PRKG1: variants seen among roughly 807,000 people sequenced by gnomAD.
PRKG1 encodes the protein protein kinase cGMP-dependent 1.
A neutral mutation model predicts 88.1 loss-of-function variants in PRKG1; 35 were observed. The observed-to-expected ratio is 0.40, with a 90% CI of 0.30 to 0.53. PRKG1 has a LOEUF of 0.53. PRKG1 is among the 20% of genes least tolerant of loss of function. PRKG1 has a pLI of 0.59. For synonymous variants in PRKG1, 303 were observed against 292.5 expected (o/e 1.04, Z -0.37); for missense variants, 540 against 839.8 (o/e 0.64, Z 4.41).
chr10:51,243,648 T>C (rs555485766), intron 2 of PRKG1, among the ~76,000 whole-genome samples: 116 of 152,332 alleles, frequency 7.6e-4, no homozygotes, highest in Non-Finnish European at 1.4e-3. Context: ...ATGTAATCCA[T>C]CATGGCATGG....
At chr10:51,909,586 G>A (rs11000063) in intron 5 of PRKG1, 32,922 of 151,850 alleles carry the variant, frequency 0.22, 3,992 homozygotes, top group East Asian at 0.49. Context: ...ATCAGAAAAG[G>A]GAAGGGAGAT....
intron 9 of PRKG1, among the ~76,000 whole-genome samples, chr10:52,172,432 A>G (rs908568382): frequency 1.3e-5 from 2 of 152,184 alleles, no homozygotes; most frequent in African/African-American, 4.8e-5. Context: ...AATTCTGTGG[A>G]TACTTTGGTC....
intron 2 of PRKG1, among the ~76,000 whole-genome samples, chr10:51,304,730 G>A (rs1244711129): frequency 6.1e-5 from 9 of 147,258 alleles, no homozygotes; most frequent in Admixed American, 5.6e-4. Context: ...GAGAACATGC[G>A]GTGTTTGGTT....
intron 4 of PRKG1, among the ~76,000 whole-genome samples, chr10:51,806,831 C>G (rs1197250370): frequency 6.6e-6 from 1 of 152,130 alleles, no homozygotes; most frequent in Non-Finnish European, 1.5e-5. Context: ...GCAAACCAAA[C>G]AATTCCATGT....
chr10:51,678,398 A>T (rs1408650073), intron 3 of PRKG1, among the ~76,000 whole-genome samples: 1 of 152,192 alleles, frequency 6.6e-6, no homozygotes, highest in East Asian at 1.9e-4. Context: ...GGGATTTTTT[A>T]AATAATAAAT....
At chr10:51,018,500 G>A (rs548891679) in intron 1 of PRKG1, among the ~76,000 whole-genome samples, 3 of 152,198 alleles carry the variant, frequency 2.0e-5, no homozygotes, top group African/African-American at 7.2e-5. Context: ...TTCTCTAGAG[G>A]CCCTGCTCTT....
rs114939864 is a variant in PRKG1, at chr10:51,423,320, C to T, written c.479-44403C>T. On this transcript the variant is annotated intron_variant, in intron 2 of 17. Transcript: ENST00000373980. ...ATTGAGAATATAAATTCCATTCTTG[C>T]ACTTGCAATTGCGTATTTAAAACAA... Among the ~76,000 whole-genome samples the T allele has an allele frequency of 1.6e-3, 246 of 152,290 alleles. 2 individuals are homozygous for T. The highest frequency in any genetic ancestry group is 5.5e-3 in the African/African-American group (228 of 41,568).
At chr10:52,098,657 GC>G (rs1180559589) in intron 7 of PRKG1, among the ~76,000 whole-genome samples, 1 of 152,174 alleles carries the variant, frequency 6.6e-6, no homozygotes, top group Non-Finnish European at 1.5e-5. Flanking sequence ...AGAATGAGAA[GC>G]TTTGAGCTTT....
chr10:51,571,152 T>C (rs941023587), intron 3 of PRKG1, among the ~76,000 whole-genome samples: 3 of 151,920 alleles, frequency 2.0e-5, no homozygotes, highest in African/African-American at 7.2e-5. Flanking sequence ...CTTAAGTAAT[T>C]AGGGTTGTCA....
intron 5 of PRKG1, among the ~76,000 whole-genome samples, chr10:51,944,451 T>A (rs1431694864): frequency 6.6e-6 from 1 of 152,054 alleles, no homozygotes; most frequent in Non-Finnish European, 1.5e-5. Context: ...TATCTCTATT[T>A]CCTTCAGTTC....
intron 2 of PRKG1, among the ~76,000 whole-genome samples, chr10:51,403,237 CA>C (rs1183125010): frequency 6.6e-6 from 1 of 152,084 alleles, no homozygotes; most frequent in Non-Finnish European, 1.5e-5. Context: ...AGATGATTTG[CA>C]AAGTTAAATA....
chr10:52,050,187 G>A (rs1223533465), intron 5 of PRKG1, among the ~76,000 whole-genome samples: 1 of 152,006 alleles, frequency 6.6e-6, no homozygotes, highest in Admixed American at 6.6e-5. Context: ...AGGCCTGGTG[G>A]TGGCACAGTC....
At chr10:52,061,229 C>G (rs1396308261) in intron 6 of PRKG1, among the ~76,000 whole-genome samples, 1 of 151,980 alleles carries the variant, frequency 6.6e-6, no homozygotes, top group East Asian at 1.9e-4. Flanking sequence ...GAGGAGTAAT[C>G]AAATGGATCA....
chr10:51,214,479 A>T (rs902559357), intron 2 of PRKG1, among the ~76,000 whole-genome samples: 6 of 152,088 alleles, frequency 3.9e-5, no homozygotes, highest in Non-Finnish European at 8.8e-5. Flanking sequence ...TGCCACAGAA[A>T]AAGAAAAACT....
chr10:51,414,700 T>C (rs933310036), intron 2 of PRKG1, among the ~76,000 whole-genome samples: 12 of 152,210 alleles, frequency 7.9e-5, no homozygotes, highest in African/African-American at 2.9e-4. Context: ...ATTTTAGAGA[T>C]TTACTATAAA....
At chr10:51,594,187 C>A (rs920415476) in intron 3 of PRKG1, among the ~76,000 whole-genome samples, 1 of 152,056 alleles carries the variant, frequency 6.6e-6, no homozygotes, top group Non-Finnish European at 1.5e-5. Context: ...ACATGCCCAT[C>A]TAATTTTTTA....
intron 1 of PRKG1, among the ~76,000 whole-genome samples, chr10:51,065,723 G>A (rs1006066339): frequency 1.3e-5 from 2 of 151,890 alleles, no homozygotes; most frequent in Non-Finnish European, 2.9e-5. Context: ...TTTATTCAAC[G>A]CAATTAGCCA....
chr10:51,298,022 G>A (rs1358615768), intron 2 of PRKG1, among the ~76,000 whole-genome samples: 1 of 152,068 alleles, frequency 6.6e-6, no homozygotes, highest in Non-Finnish European at 1.5e-5. Flanking sequence ...ATTCATTTAT[G>A]TACCTAACCA....
intron 2 of PRKG1, among the ~76,000 whole-genome samples, chr10:51,332,845 G>T (rs1278181417): frequency 6.6e-6 from 1 of 152,196 alleles, no homozygotes; most frequent in African/African-American, 2.4e-5. Context: ...AGTGACCCAG[G>T]CAGCCTTCTG....
Sources: allele counts gnomAD v4.1 joint callset (sites outside exome capture counted in the v4.1 genomes callset), GRCh38; gene constraint gnomAD v4.1.1; transcripts MANE v1.5; gene names NCBI Gene and HGNC (gene_info 2026-07-23, HGNC 2026-07-21).